LYRM4: variants seen among roughly 807,000 people sequenced by gnomAD.
The protein encoded by LYRM4 is LYR motif-containing protein 4.
LYRM4 carries 9 observed loss-of-function variants against 11.7 expected under a neutral mutation model. The observed-to-expected ratio is 0.77, with a 90% CI of 0.46 to 1.34. The LOEUF (loss-of-function observed/expected upper bound fraction) is 1.34. Among genes scored for constraint, LYRM4 ranks in the 40% most tolerant of loss-of-function variants. The pLI is 0.00. For synonymous variants in LYRM4, 42 were observed against 40.4 expected (o/e 1.04, Z -0.15); for missense variants, 133 against 112.5 (o/e 1.18, Z -0.82).
chr6:5,049,140 G>C, the LYRM4 span, among the ~76,000 whole-genome samples: 2 of 152,172 alleles, frequency 1.3e-5, no homozygotes, highest in East Asian at 3.8e-4. Flanking sequence ...CATGACCGCT[G>C]TGAGACAGAC....
intron 2 of LYRM4, among the ~76,000 whole-genome samples, chr6:5,184,757 G>A (rs548955703): frequency 1.3e-5 from 2 of 152,326 alleles, no homozygotes; most frequent in African/African-American, 4.8e-5. Context: ...ATCAGGTACT[G>A]TTCTAGGTTC....
the LYRM4 span, among the ~76,000 whole-genome samples, chr6:5,055,840 T>C: frequency 6.6e-5 from 10 of 152,108 alleles, no homozygotes; most frequent in Admixed American, 4.6e-4. This position sits in a 1 kb window ranked among gnomAD's most constrained non-coding sequence, Gnocchi z 4.5. Context: ...CAACATAACC[T>C]TGAAACAGTT....
the LYRM4 span, chr6:5,066,690 A>C: frequency 1.1e-6 from 1 of 916,000 alleles, no homozygotes; most frequent in Non-Finnish European, 1.8e-6. Flanking sequence ...CTGCAGCAAT[A>C]GGTGTGGAGG....
intron 2 of LYRM4, among the ~76,000 whole-genome samples, chr6:5,205,062 G>T (rs944241633): frequency 1.3e-5 from 2 of 151,948 alleles, no homozygotes; most frequent in Admixed American, 1.3e-4. Context: ...AAGGCACTGG[G>T]GATCACAGTG....
At chr6:5,078,645 A>G in the LYRM4 span, among the ~76,000 whole-genome samples, 1 of 152,222 alleles carries the variant, frequency 6.6e-6, no homozygotes, top group Non-Finnish European at 1.5e-5. Flanking sequence ...GAAGGCACAC[A>G]TATGAGAAAA....
chr6:5,148,785 A>G (rs1000377177), intron 2 of LYRM4, among the ~76,000 whole-genome samples: 3 of 152,180 alleles, frequency 2.0e-5, no homozygotes, highest in Non-Finnish European at 2.9e-5. Context: ...TTATAGTTAT[A>G]TGAAAGATAT....
intron 1 of LYRM4, among the ~76,000 whole-genome samples, chr6:5,256,170 G>C (rs186841135): frequency 6.6e-6 from 1 of 152,152 alleles, no homozygotes; most frequent in Non-Finnish European, 1.5e-5. Context: ...GTTGGCTGAA[G>C]AAGAGCCAAG....
Position 5,121,737 on chromosome 6 carries a change from G to A in LYRM4, c.208-12246C>T, listed in dbSNP as rs139958083. Among the ~76,000 whole-genome samples the A allele has an allele frequency of 6.6e-4, 100 of 152,344 alleles. No individual in the cohort carries two copies. The Middle Eastern group carries it at 0.017, about 26-fold the overall frequency. On this transcript the variant is annotated intron_variant, in intron 2 of 2. Coordinates refer to ENST00000330636, the MANE Select transcript of LYRM4 (RefSeq NM_020408.6). ...TGCCAGAGGTAATGTCCCATCAGAG[G>A]TCACACTCCTGCATTTGGGGAGAGA...
At chr6:5,128,905 G>A (rs566877060) in intron 2 of LYRM4, among the ~76,000 whole-genome samples, 102 of 152,382 alleles carry the variant, frequency 6.7e-4, no homozygotes, top group Non-Finnish European at 1.3e-3. Context: ...CTCTTGGGCA[G>A]CCAGTGCTTG....
intron 1 of LYRM4, among the ~76,000 whole-genome samples, chr6:5,239,146 C>G (rs1763718648): frequency 2.0e-5 from 3 of 152,100 alleles, no homozygotes; most frequent in African/African-American, 7.2e-5. Context: ...AACTGATGAA[C>G]CAACAAAAAG....
chr6:5,233,250 GC>G (rs1212383375), intron 1 of LYRM4, among the ~76,000 whole-genome samples: 3 of 152,300 alleles, frequency 2.0e-5, no homozygotes, highest in African/African-American at 7.2e-5. Flanking sequence ...GCCTACTTGC[GC>G]TTCTGCAAGC....
At chr6:5,148,061 G>A (rs749015440) in intron 2 of LYRM4, among the ~76,000 whole-genome samples, 45 of 151,992 alleles carry the variant, frequency 3.0e-4, no homozygotes, top group African/African-American at 8.7e-4. Flanking sequence ...CTCCCTTCAC[G>A]TCACCTTACT....
intron 2 of LYRM4, among the ~76,000 whole-genome samples, chr6:5,196,746 G>A (rs1017215909): frequency 2.0e-5 from 3 of 152,134 alleles, no homozygotes; most frequent in Non-Finnish European, 4.4e-5. Flanking sequence ...TAACATAACT[G>A]TATATGGTGA....
intron 1 of LYRM4, among the ~76,000 whole-genome samples, chr6:5,253,218 C>T (rs186043526): frequency 2.0e-4 from 30 of 152,252 alleles, no homozygotes; most frequent in Admixed American, 1.4e-3. Flanking sequence ...TCACTTTAGC[C>T]TTTTCTCAAG....
intron 1 of LYRM4, among the ~76,000 whole-genome samples, chr6:5,251,522 A>T (rs973104764): frequency 1.5e-4 from 23 of 152,198 alleles, no homozygotes. Context: ...CCAGAGCAGG[A>T]GCAAGCAAGC....
chr6:5,245,114 ATATATATATATAT>A (rs1461909483), intron 1 of LYRM4, among the ~76,000 whole-genome samples: 2 of 12,040 alleles, frequency 1.7e-4, no homozygotes, highest in African/African-American at 3.0e-4. Flanking sequence ...AAAAAAAAAA[ATATATATATATAT>A]ATATATATAT....
At chr6:5,131,591 G>A (rs1236851679) in intron 2 of LYRM4, among the ~76,000 whole-genome samples, 2 of 152,136 alleles carry the variant, frequency 1.3e-5, no homozygotes, top group Non-Finnish European at 2.9e-5. Flanking sequence ...AGACAACAAA[G>A]AAAACATTGT....
At chr6:5,143,470 A>G (rs1008297507) in intron 2 of LYRM4, among the ~76,000 whole-genome samples, 1 of 152,138 alleles carries the variant, frequency 6.6e-6, no homozygotes, top group African/African-American at 2.4e-5. Context: ...GACAGACACA[A>G]TAACAGGACC....
intron 1 of LYRM4, among the ~76,000 whole-genome samples, chr6:5,248,763 C>T (rs532375058): frequency 1.3e-5 from 2 of 152,368 alleles, no homozygotes; most frequent in African/African-American, 4.8e-5. Context: ...GGTATATTGT[C>T]ACCATGCTGT....
Sources: allele counts gnomAD v4.1 joint callset (sites outside exome capture counted in the v4.1 genomes callset), GRCh38; gene constraint gnomAD v4.1.1; non-coding constraint Gnocchi (gnomAD v3.1); transcripts MANE v1.5; gene names NCBI Gene and HGNC (gene_info 2026-07-23, HGNC 2026-07-21).